PLCH1: variants seen among roughly 807,000 people sequenced by gnomAD.
The protein encoded by PLCH1 is phospholipase C eta 1, also known as 1-phosphatidylinositol 4,5-bisphosphate phosphodiesterase eta-1.
In PLCH1, 60 loss-of-function variants were observed where a neutral mutation model predicts 126.7. The observed-to-expected ratio is 0.47, with a 90% CI of 0.38 to 0.59. PLCH1 has a LOEUF of 0.59. Ranked by LOEUF, PLCH1 falls within the 20% of genes least tolerant of loss-of-function variation. The pLI, the probability that PLCH1 is intolerant of heterozygous loss-of-function variation, is 0.00. For missense variants in PLCH1, 1,723 were observed against 2,040.0 expected, an observed-to-expected ratio of 0.84 and a Z score of 2.99; for synonymous variants, 719 against 734.9, an observed-to-expected ratio of 0.98 and a Z score of 0.35.
In PLCH1 at chr3:155,481,422, G is replaced by T; in HGVS notation, c.4604C>A (p.Thr1535Asn). Reference protein sequence around the residue: ...TKSLEPIDALTEQLRKLVSFD... With the variant: ...TKSLEPIDALNEQLRKLVSFD... ...GGACACAAGCTTCCGAAGCTGCTCG[G>T]TCAGGGCATCTATAGGCTCTAACGA... Residue 1535 changes from threonine (T) to asparagine (N), a missense_variant, in exon 23 of 23, where the codon ACC (threonine) becomes AAC (asparagine). Transcript: ENST00000460012. This position sits in a 1 kb window ranked among gnomAD's most constrained non-coding sequence, Gnocchi z 4.2. 1.9e-6 allele frequency: 3 copies of T among 1,614,168 alleles called. No individual in the cohort carries two copies. Among genetic ancestry groups the T allele is most frequent in the Non-Finnish European group, 2.5e-6 (3 of 1,180,040 alleles).
intron 12 of PLCH1, among the ~76,000 whole-genome samples, chr3:155,513,524 T>C (rs968259230): frequency 6.6e-6 from 1 of 152,152 alleles, no homozygotes; most frequent in African/African-American, 2.4e-5. Flanking sequence ...CAATGAGAGT[T>C]CACCAAGGAC....
At chr3:155,594,868 G>A (rs1732754638) in intron 3 of PLCH1, among the ~76,000 whole-genome samples, 1 of 152,216 alleles carries the variant, frequency 6.6e-6, no homozygotes, top group Non-Finnish European at 1.5e-5. Flanking sequence ...CAAAGACCTA[G>A]AGTGGACTTT....
chr3:155,661,575 G>A (rs1742150352), intron 2 of PLCH1, among the ~76,000 whole-genome samples: 1 of 152,050 alleles, frequency 6.6e-6, no homozygotes, highest in South Asian at 2.1e-4. Context: ...CTTTGAAGCA[G>A]AAATGTTTGG....
At chr3:155,547,639 T>C (rs1337108122) in intron 10 of PLCH1, among the ~76,000 whole-genome samples, 3 of 151,874 alleles carry the variant, frequency 2.0e-5, no homozygotes, top group African/African-American at 7.3e-5. Context: ...TGGAACCAAC[T>C]CAAATGTCCA....
chr3:155,633,727 G>C (rs1005839000), intron 2 of PLCH1, among the ~76,000 whole-genome samples: 9 of 152,158 alleles, frequency 5.9e-5, no homozygotes, highest in Non-Finnish European at 1.3e-4. Flanking sequence ...TTCGAGATCA[G>C]CCTGGCCAAC....
rs534802772 is a variant in PLCH1 at position 155,546,097 on chromosome 3, G to T, written c.1362+3690C>A. On this transcript the variant is annotated intron_variant, in intron 10 of 22. Transcript: ENST00000460012. ...CAATTAGGAAAAGAGGAAGTCAAAT[G>T]GTCCCTGTTTGCAGATGACATGTTT... is the stretch of plus-strand genomic sequence containing the variant. Among the ~76,000 whole-genome samples the T allele has an allele frequency of 1.1e-3, 165 of 152,192 alleles. 2 individuals carry two copies. The highest frequency in any genetic ancestry group is 3.4e-3 in the African/African-American group (141 of 41,536).
chr3:155,738,489 T>TA (rs1195459869), intron 1 of PLCH1, among the ~76,000 whole-genome samples: 1 of 151,860 alleles, frequency 6.6e-6, no homozygotes, highest in African/African-American at 2.4e-5. Flanking sequence ...AAATTTCTTT[T>TA]AAAAATTAGC....
chr3:155,659,106 G>A (rs1045293856), intron 2 of PLCH1, among the ~76,000 whole-genome samples: 8 of 151,866 alleles, frequency 5.3e-5, no homozygotes, highest in Admixed American at 1.3e-4. Flanking sequence ...CATCAGTAAC[G>A]GGGAACCAAG....
At chr3:155,725,629 G>A (rs770485849) in intron 1 of PLCH1, among the ~76,000 whole-genome samples, 17 of 150,704 alleles carry the variant, frequency 1.1e-4, no homozygotes, top group African/African-American at 2.4e-4. Context: ...TAGTAGAGAC[G>A]GGGTTTCACC....
rs149238672 is a variant in PLCH1, at chr3:155,588,261, T to C, written c.471-2067A>G. On this transcript the variant is annotated intron_variant, in intron 4 of 22. Coordinates refer to ENST00000460012, the MANE Select transcript of PLCH1 (RefSeq NM_014996.4). The stretch of plus-strand genomic sequence containing the variant: ...CTCTTTCTAGTTCAATTTTTCCTTA[T>C]AGACTTGTCAGGACCTCATTTTATA... Among the ~76,000 whole-genome samples the C allele has an allele frequency of 1.6e-4, 25 of 152,322 alleles. No individual in the cohort carries two copies. In the East Asian group the frequency reaches 4.0e-3, roughly 25 times the overall value.
intron 2 of PLCH1, among the ~76,000 whole-genome samples, chr3:155,695,377 T>C (rs1279641636): frequency 6.6e-6 from 1 of 152,236 alleles, no homozygotes; most frequent in Non-Finnish European, 1.5e-5. Context: ...ATTTTTTTTC[T>C]GGGTTTCCTA....
At chr3:155,695,308 A>T (rs1559942597) in intron 2 of PLCH1, among the ~76,000 whole-genome samples, 1 of 152,232 alleles carries the variant, frequency 6.6e-6, no homozygotes, top group Non-Finnish European at 1.5e-5. Flanking sequence ...TCTAAGGCAC[A>T]CTTGGATTCT....
At chr3:155,551,343 G>C (rs1726083816) in intron 9 of PLCH1, among the ~76,000 whole-genome samples, 1 of 149,778 alleles carries the variant, frequency 6.7e-6, no homozygotes, top group Admixed American at 6.7e-5. Context: ...TACTCAGGAG[G>C]CTGAGGCAAG....
chr3:155,472,072 G>A (rs1421336130), intron 21 of PLCH1, among the ~76,000 whole-genome samples: 5 of 152,130 alleles, frequency 3.3e-5, no homozygotes, highest in East Asian at 1.9e-4. Context: ...AGAAATAACT[G>A]AAATCAGAGC....
At position 155,711,830 on chromosome 3, in the gene PLCH1, T is replaced by C. The variant is rs138031584; in HGVS notation, c.-40-7566A>G. Among the ~76,000 whole-genome samples the C allele has an allele frequency of 4.0e-4, 60 of 149,794 alleles. No individual in the cohort carries two copies. The East Asian group carries it at 0.011, about 28-fold the overall frequency. On this transcript the variant is annotated intron_variant, in intron 1 of 22. Coordinates refer to ENST00000460012, the MANE Select transcript of PLCH1 (RefSeq NM_014996.4). ...TTTGAACTCTTGGGGGAAAAAAAAC[T>C]TCCTTTTCAGTTTTACTTGAAGTTG...
chr3:155,478,773 T>C (rs935610505), downstream of PLCH1, among the ~76,000 whole-genome samples: 1 of 152,202 alleles, frequency 6.6e-6, no homozygotes, highest in Non-Finnish European at 1.5e-5. Flanking sequence ...CAGTCCATTA[T>C]CAAATTTGCT....
intron 8 of PLCH1, among the ~76,000 whole-genome samples, chr3:155,560,236 T>C (rs1038685706): frequency 6.6e-6 from 1 of 152,208 alleles, no homozygotes. Context: ...TTTACAATGA[T>C]AGGCAACCAT....
rs543870581 is a variant in PLCH1 at position 155,535,782 on chromosome 3, G to T, written c.1363-11778C>A. On this transcript the variant is annotated intron_variant, in intron 10 of 22. Transcript: ENST00000460012. ...CTGAGAAACCCAAATATGTATCCAG[G>T]TGACCTTAGGGCAAGCTTGTATCAG... Among the ~76,000 whole-genome samples the T allele has an allele frequency of 6.4e-4, 98 of 152,266 alleles. 1 individual carries two copies. The highest frequency in any genetic ancestry group is 4.9e-3 in the Admixed American group (75 of 15,302).
intron 4 of PLCH1, 66 bp downstream of exon 4, chr3:155,593,875 C>T: frequency 6.6e-7 from 1 of 1,505,600 alleles, no homozygotes; most frequent in Non-Finnish European, 9.1e-7. Flanking sequence ...ATCCTTACTT[C>T]ACAAATGCAC....
Sources: gnomAD v4.1 joint callset for allele counts (sites outside exome capture counted in the v4.1 genomes callset) on GRCh38, gnomAD v4.1.1 for gene constraint, Gnocchi (gnomAD v3.1) non-coding constraint, MANE v1.5 for transcripts, NCBI Gene and HGNC (gene_info 2026-07-23, HGNC 2026-07-21) for gene names.